The following ME3 variants were observed in gnomAD, a reference collection of about 807,000 sequenced individuals.
ME3 encodes malic enzyme 3.
In ME3, 48 loss-of-function variants were observed where a neutral mutation model predicts 68.9. That is an observed-to-expected ratio of 0.70 (90% CI 0.55 to 0.89). The LOEUF is 0.89. Ranked by LOEUF, ME3 falls within the 40% of genes least tolerant of loss-of-function variation. The pLI, the probability that ME3 is intolerant of heterozygous loss-of-function variation, is 0.00. For missense variants in ME3, 675 were observed against 797.4 expected (o/e 0.85, Z 1.85); for synonymous variants, 320 against 318.8 (o/e 1.00, Z -0.04).
intron 14 of ME3, 44 bp from the exon 15 acceptor site, chr11:86,441,484 A>C (rs753271442): frequency 1.3e-6 from 2 of 1,523,264 alleles, no homozygotes; most frequent in Non-Finnish European, 1.8e-6. Flanking sequence ...TCTAAGGGGA[A>C]ACCTGCTTAA....
chr11:86,612,960 T>A (rs773551784), intron 2 of ME3, among the ~76,000 whole-genome samples: 9 of 152,204 alleles, frequency 5.9e-5, no homozygotes, highest in Non-Finnish European at 1.2e-4. Flanking sequence ...TTGCTTTTGG[T>A]GTTTTAGTCA....
chr11:86,465,774 A>G (rs1224534076), intron 7 of ME3, among the ~76,000 whole-genome samples: 2 of 152,226 alleles, frequency 1.3e-5, no homozygotes, highest in Non-Finnish European at 2.9e-5. Flanking sequence ...AGACACTGTT[A>G]TCTACTAACA....
chr11:86,477,995 T>A (rs1951180334), intron 7 of ME3, among the ~76,000 whole-genome samples: 1 of 152,030 alleles, frequency 6.6e-6, no homozygotes, highest in Non-Finnish European at 1.5e-5. Flanking sequence ...TCCTTCAGAG[T>A]CAAGACAAGC....
intron 8 of ME3, among the ~76,000 whole-genome samples, chr11:86,463,523 C>G (rs1029360927): frequency 6.6e-6 from 1 of 152,234 alleles, no homozygotes; most frequent in African/African-American, 2.4e-5. Context: ...TGGGTGAGGC[C>G]TGTCCCAGGC....
At chr11:86,606,611 G>C (rs1961689595) in intron 2 of ME3, among the ~76,000 whole-genome samples, 1 of 152,184 alleles carries the variant, frequency 6.6e-6, no homozygotes, top group African/African-American at 2.4e-5. Context: ...ATGTTCACCA[G>C]ATGCTGATCA....
chr11:86,641,146 G>T (rs956405793), intron 2 of ME3, among the ~76,000 whole-genome samples: 1 of 151,956 alleles, frequency 6.6e-6, no homozygotes, highest in African/African-American at 2.4e-5. Flanking sequence ...AATTCTCTGG[G>T]CTAAATACCA....
Position 86,599,950 on chromosome 11 carries a change from A to G in ME3, c.184-40127T>C, listed in dbSNP as rs1301743384. ...CCCTAAAAGAGCTCCTGAAGGAAGCACTAAACATGGAAAGGCACAACTGGT... is the reference window on the plus strand; with the variant it reads ...CCCTAAAAGAGCTCCTGAAGGAAGCGCTAAACATGGAAAGGCACAACTGGT... On this transcript the variant is annotated intron_variant, in intron 2 of 14. Coordinates refer to ENST00000543262, the Ensembl canonical transcript of ME3. Among the ~76,000 whole-genome samples the G allele has an allele frequency of 2.0e-5, 3 of 152,220 alleles. No homozygotes were observed. The South Asian group carries it at 6.2e-4, about 32-fold the overall frequency.
chr11:86,651,901 G>A (rs1945461910), intron 2 of ME3, among the ~76,000 whole-genome samples: 1 of 152,152 alleles, frequency 6.6e-6, no homozygotes, highest in African/African-American at 2.4e-5. Flanking sequence ...GTCCTTAAAG[G>A]ACCTCATGGA....
chr11:86,538,676 C>T (rs919847498), intron 4 of ME3, among the ~76,000 whole-genome samples: 4 of 152,156 alleles, frequency 2.6e-5, no homozygotes, highest in Non-Finnish European at 4.4e-5. Context: ...CCTCATGCTT[C>T]GGTTAGTACT....
intron 2 of ME3, among the ~76,000 whole-genome samples, chr11:86,612,893 T>C (rs1239599910): frequency 6.6e-6 from 1 of 152,250 alleles, no homozygotes; most frequent in Non-Finnish European, 1.5e-5. Flanking sequence ...TCTTTTGCTG[T>C]GCAGAAGCTC....
chr11:86,659,659 G>A (rs770317100), intron 2 of ME3, among the ~76,000 whole-genome samples: 11 of 152,138 alleles, frequency 7.2e-5, no homozygotes, highest in African/African-American at 1.2e-4. Context: ...TTCCTGCCCC[G>A]TCTAACTGCT....
At chr11:86,655,172 C>T (rs1945772134) in intron 2 of ME3, among the ~76,000 whole-genome samples, 1 of 152,162 alleles carries the variant, frequency 6.6e-6, no homozygotes, top group African/African-American at 2.4e-5. Context: ...GCCACACTGT[C>T]CAAGGTAATT....
intron 2 of ME3, among the ~76,000 whole-genome samples, chr11:86,584,554 C>G (rs1414332823): frequency 6.6e-6 from 1 of 152,156 alleles, no homozygotes; most frequent in Non-Finnish European, 1.5e-5. Flanking sequence ...CTAAATGTCC[C>G]TTGACAGATA....
intron 7 of ME3, among the ~76,000 whole-genome samples, chr11:86,467,712 C>CACACA (rs1471970486): frequency 0.038 from 5,776 of 150,190 alleles, 113 homozygotes; most frequent in South Asian, 0.077. Flanking sequence ...CACACACACA[C>CACACA]CCCTTTAAGC....
chr11:86,613,423 C>G (rs1387500438), intron 2 of ME3, among the ~76,000 whole-genome samples: 1 of 152,108 alleles, frequency 6.6e-6, no homozygotes, highest in Non-Finnish European at 1.5e-5. Flanking sequence ...ACAAGGATGC[C>G]CTCTCTCACC....
At chr11:86,508,246 C>T (rs926502345) in intron 5 of ME3, among the ~76,000 whole-genome samples, 2 of 152,130 alleles carry the variant, frequency 1.3e-5, no homozygotes, top group Non-Finnish European at 2.9e-5. Context: ...AGTCTCTCCA[C>T]TACCTAACTG....
chr11:86,517,168 G>T (rs1953953864), intron 4 of ME3, among the ~76,000 whole-genome samples: 1 of 152,106 alleles, frequency 6.6e-6, no homozygotes, highest in Non-Finnish European at 1.5e-5. Context: ...GCCCTTCCAT[G>T]ATTTGTTGAA....
At position 86,538,624 on chromosome 11, in the gene ME3, A is replaced by G. The variant is rs554218091; in HGVS notation, c.467+17929T>C. On this transcript the variant is annotated intron_variant, in intron 4 of 14. Transcript: ENST00000543262. ...CTCTTTCTTGGCCTCTTGGATTTCC[A>G]TCTCTCATTTCCACATCTAGGAACT... Among the ~76,000 whole-genome samples the G allele has an allele frequency of 3.8e-4, 58 of 151,996 alleles. 1 individual carries two copies. Among genetic ancestry groups the G allele is most frequent in the African/African-American group, 1.3e-3 (55 of 41,414 alleles).
At chr11:86,438,671 A>T (rs1948910727), downstream of ME3, among the ~76,000 whole-genome samples, 1 of 152,050 alleles carries the variant, frequency 6.6e-6, no homozygotes, top group Non-Finnish European at 1.5e-5. Context: ...TTTGTGCTCT[A>T]ATCTTTGCTT....
Sources: gnomAD v4.1 joint callset for allele counts (sites outside exome capture counted in the v4.1 genomes callset) on GRCh38, gnomAD v4.1.1 for gene constraint, MANE v1.5 for transcripts, NCBI Gene and HGNC (gene_info 2026-07-23, HGNC 2026-07-21) for gene names.